Variants in HSF5 observed in about 807,000 individuals in gnomAD.
HSF5 encodes the protein heat shock factor protein 5.
In HSF5, 5 loss-of-function variants were observed where a neutral mutation model predicts 50.8. The observed-to-expected ratio is 0.10, with a 90% CI of 0.05 to 0.21. The LOEUF (loss-of-function observed/expected upper bound fraction) is 0.21, where lower values mean the gene tolerates loss of function less well. Ranked by LOEUF, HSF5 falls within the 10% of genes least tolerant of loss-of-function variation. The probability of loss-of-function intolerance (pLI) is 1.00; values close to 1 mark genes in which losing one functional copy is unlikely to be tolerated. For missense variants in HSF5, 564 were observed against 762.6 expected, an observed-to-expected ratio of 0.74 and a Z score of 3.07; for synonymous variants, 307 against 307.4, an observed-to-expected ratio of 1.00 and a Z score of 0.02.
chr17:58,486,387 A>C (rs1278927832), intron 1 of HSF5, among the ~76,000 whole-genome samples: 1 of 152,232 alleles, frequency 6.6e-6, no homozygotes, highest in Non-Finnish European at 1.5e-5. Flanking sequence ...CAAATAATAA[A>C]AAATAAATAA....
intron 4 of HSF5, among the ~76,000 whole-genome samples, chr17:58,459,985 C>G (rs1974769260): frequency 6.6e-6 from 1 of 151,888 alleles, no homozygotes; most frequent in Admixed American, 6.6e-5. Flanking sequence ...AAGCTTTAGC[C>G]CCTATAAAAT....
chr17:58,454,050 C>T (rs1239625794), intron 5 of HSF5, among the ~76,000 whole-genome samples: 1 of 151,962 alleles, frequency 6.6e-6, no homozygotes, highest in Non-Finnish European at 1.5e-5. Context: ...GCCGAGATTG[C>T]GCCACTGCAC....
intron 5 of HSF5, among the ~76,000 whole-genome samples, chr17:58,447,599 ACT>A (rs1974577895): frequency 6.6e-6 from 1 of 151,188 alleles, no homozygotes; most frequent in South Asian, 2.1e-4. Flanking sequence ...AACCCAGGGA[ACT>A]CTCCCTGATC....
At chr17:58,428,291 T>C (rs1308368884) in intron 5 of HSF5, among the ~76,000 whole-genome samples, 1 of 152,194 alleles carries the variant, frequency 6.6e-6, no homozygotes. Context: ...CAAAACAATA[T>C]ATTTTCTCCA....
chr17:58,467,439 A>T (rs116610558), intron 2 of HSF5, among the ~76,000 whole-genome samples: 1 of 152,338 alleles, frequency 6.6e-6, no homozygotes, highest in African/African-American at 2.4e-5. Flanking sequence ...CATCCAGTAG[A>T]AATGTACACA....
chr17:58,470,353 C>G (rs1057398807), intron 2 of HSF5, among the ~76,000 whole-genome samples: 2 of 152,150 alleles, frequency 1.3e-5, no homozygotes, highest in African/African-American at 2.4e-5. Context: ...GAAGAAAATT[C>G]TGACACATAC....
chr17:58,485,017 T>C (rs1364619156), intron 1 of HSF5, among the ~76,000 whole-genome samples: 1 of 145,008 alleles, frequency 6.9e-6, no homozygotes, highest in Non-Finnish European at 1.5e-5. Flanking sequence ...TGCAATGGTG[T>C]GATCTCGGCT....
At position 58,488,203 on chromosome 17, in the gene HSF5, G is replaced by A. The variant is rs757160898; in HGVS notation, c.72C>T (p.Ser24=). The change falls in exon 1 of 6, where the codon AGC becomes AGT. Residue 24 remains serine, a synonymous_variant. Transcript: ENST00000323777. This position sits in a 1 kb window ranked among gnomAD's most constrained non-coding sequence, Gnocchi z 4.1. ...FPAKLWRLVN[S]PRYRSIRWDG... The stretch of plus-strand genomic sequence containing the variant: ...CCCAGCGGATGGAGCGGTAGCGCGG[G>A]CTGTTCACCAGGCGCCACAGCTTGG... 5.2e-6 allele frequency: 8 copies of A among 1,525,768 alleles called. No homozygotes were observed. The African/African-American group carries it at 7.2e-5, about 14-fold the overall frequency. The allele number at this position is 1,525,768 out of a possible 1,614,324, so 94.5% of individuals were successfully genotyped here.
intron 4 of HSF5, among the ~76,000 whole-genome samples, chr17:58,461,878 A>G (rs1262921281): frequency 6.6e-6 from 1 of 152,330 alleles, no homozygotes; most frequent in East Asian, 1.9e-4. Flanking sequence ...TCAAAAAAAA[A>G]AATTTCTTTT....
intron 5 of HSF5, among the ~76,000 whole-genome samples, chr17:58,450,452 T>C (rs577276836): frequency 2.6e-5 from 4 of 151,210 alleles, no homozygotes; most frequent in Non-Finnish European, 5.9e-5. Flanking sequence ...TATACTTATA[T>C]CAGATAAAAT....
rs750773079 is a variant in HSF5, at chr17:58,456,166, T to TACACAC, written c.1720+2596_1720+2601dup. Among the ~76,000 whole-genome samples, 4 of 141,388 alleles carry TACACAC rather than the reference T, an allele frequency of 2.8e-5. 1 individual carries two copies. The highest frequency in any genetic ancestry group is 4.5e-4 in the South Asian group (2 of 4,482). The allele number at this position is 141,388 out of a possible 152,430, so 92.8% of individuals were successfully genotyped here. On this transcript the variant is annotated intron_variant, in intron 5 of 5. Coordinates refer to ENST00000323777, the MANE Select transcript of HSF5 (RefSeq NM_001080439.3). Reference sequence around the variant, plus strand: ...ATATATATATATGTGTGTGTGTATATACACACACACACACACACACACACA... The same window carrying TACACAC: ...ATATATATATATGTGTGTGTGTATATACACACACACACACACACACACACACACACA...
chr17:58,441,283 A>G (rs1974495158), intron 5 of HSF5, among the ~76,000 whole-genome samples: 1 of 152,232 alleles, frequency 6.6e-6, no homozygotes, highest in South Asian at 2.1e-4. Context: ...CATGAATCAA[A>G]GACAAAATCA....
intron 5 of HSF5, among the ~76,000 whole-genome samples, chr17:58,457,249 G>T (rs540436303): frequency 3.7e-4 from 55 of 150,196 alleles, no homozygotes; most frequent in African/African-American, 1.3e-3. Context: ...AACAGAGCAA[G>T]ACTCTGTCTC....
intron 5 of HSF5, among the ~76,000 whole-genome samples, chr17:58,455,654 T>C (rs1974700774): frequency 6.6e-6 from 1 of 151,578 alleles, no homozygotes; most frequent in Admixed American, 6.6e-5. Context: ...CAAAAAACAG[T>C]CTGATTTTAA....
intron 1 of HSF5, among the ~76,000 whole-genome samples, chr17:58,486,082 G>C (rs141668999): frequency 1.3e-5 from 2 of 150,276 alleles, no homozygotes; most frequent in East Asian, 4.0e-4. Context: ...AAGTAAAATA[G>C]GCAGGGCGCA....
intron 5 of HSF5, among the ~76,000 whole-genome samples, chr17:58,440,990 C>T (rs1974491951): frequency 1.3e-5 from 2 of 152,194 alleles, no homozygotes. Context: ...ATGTGAACAA[C>T]ATAATCAACA....
chr17:58,460,220 T>G (rs1340504511), intron 4 of HSF5, among the ~76,000 whole-genome samples: 1 of 151,796 alleles, frequency 6.6e-6, no homozygotes, highest in South Asian at 2.1e-4. Context: ...ACTCTCACTA[T>G]GTTGCCCAGA....
intron 1 of HSF5, among the ~76,000 whole-genome samples, chr17:58,485,783 T>G (rs1488405574): frequency 6.7e-6 from 1 of 150,220 alleles, no homozygotes; most frequent in Middle Eastern, 3.5e-3. Context: ...ATAAAATAAT[T>G]TGGCCATGTG....
intron 5 of HSF5, among the ~76,000 whole-genome samples, chr17:58,443,731 AAT>A (rs1336543427): frequency 1.3e-5 from 2 of 152,232 alleles, no homozygotes; most frequent in African/African-American, 4.8e-5. Context: ...ATTTTTAACA[AAT>A]ATACCCAAAC....
Sources: gnomAD v4.1 joint callset for allele counts (sites outside exome capture counted in the v4.1 genomes callset) on GRCh38, gnomAD v4.1.1 for gene constraint, Gnocchi (gnomAD v3.1) non-coding constraint, MANE v1.5 for transcripts, NCBI Gene and HGNC (gene_info 2026-07-23, HGNC 2026-07-21) for gene names.